NIN: variants seen among roughly 807,000 people sequenced by gnomAD.
NIN encodes the protein glycogen synthase kinase 3 beta-interacting protein.
Under a neutral mutation model 257.6 loss-of-function variants are expected in NIN, and 137 were observed. The ratio of observed to expected loss-of-function variants is 0.53; its 90% CI spans 0.46 to 0.61. The LOEUF is 0.61. NIN is among the 20% of genes least tolerant of loss of function. The pLI, the probability that NIN is intolerant of heterozygous loss-of-function variation, is 0.00. For missense variants in NIN, 2,439 were observed against 2,501.2 expected (o/e 0.98, Z 0.53); for synonymous variants, 918 against 919.8 (o/e 1.00, Z 0.04).
At chr14:50,777,681 T>TAA (rs11433979) in intron 6 of NIN, among the ~76,000 whole-genome samples, 283 of 149,286 alleles carry the variant, frequency 1.9e-3, no homozygotes, top group Middle Eastern at 3.4e-3. Flanking sequence ...CAACTGAAAT[T>TAA]AAAAAAAAAA....
Position 50,738,129 on chromosome 14 carries a change from CA to C in NIN, c.5775+10del. 1.9e-6 allele frequency: 3 copies of C among 1,613,710 alleles called. No individual in the cohort carries two copies. Among genetic ancestry groups the C allele is most frequent in the Non-Finnish European group, 1.7e-6 (2 of 1,179,800 alleles). ...AACACAGATGTACGCCATATATTCTCAAAAACTCACCTTCCTGTTAGCAGGA... is the reference window on the plus strand; with the variant it reads ...AACACAGATGTACGCCATATATTCTCAAAACTCACCTTCCTGTTAGCAGGA... On this transcript the variant is annotated intron_variant, in intron 27 of 30. Coordinates refer to ENST00000530997, the MANE Select transcript of NIN (RefSeq NM_020921.4).
At chr14:50,767,949 T>A (rs1266759588) in intron 12 of NIN, among the ~76,000 whole-genome samples, 2 of 152,030 alleles carry the variant, frequency 1.3e-5, no homozygotes, top group Non-Finnish European at 2.9e-5. Context: ...ATAATTTGTA[T>A]ATGTTTATAT....
chr14:50,725,730 G>A (rs185040525), intron 30 of NIN: 481 of 675,048 alleles, frequency 7.1e-4, no homozygotes, highest in Non-Finnish European at 1.1e-3. Context: ...CTTTTAAATT[G>A]TGGACAAACA....
At chr14:50,756,402 G>C in intron 18 of NIN, 90 bp downstream of exon 18, 1 of 1,365,098 alleles carries the variant, frequency 7.3e-7, no homozygotes, top group African/African-American at 1.4e-5. Flanking sequence ...AGACTACTAG[G>C]TTAGTTTCTC....
chr14:50,759,299 A>G (rs1316442625), intron 17 of NIN, among the ~76,000 whole-genome samples: 1 of 152,238 alleles, frequency 6.6e-6, no homozygotes, highest in Non-Finnish European at 1.5e-5. Context: ...CTTGAGCCTT[A>G]TAAGGTAGAA....
At chr14:50,749,093 G>C (rs567648518) in intron 21 of NIN, among the ~76,000 whole-genome samples, 42 of 152,222 alleles carry the variant, frequency 2.8e-4, no homozygotes, top group Non-Finnish European at 5.1e-4. Flanking sequence ...AAACAGCATG[G>C]TACTGGTACC....
intron 30 of NIN, chr14:50,724,138 T>C: frequency 5.2e-6 from 1 of 191,542 alleles, no homozygotes; most frequent in Non-Finnish European, 1.1e-5. Context: ...GAGATAAGAT[T>C]TGGGCAGTTA....
intron 5 of NIN, among the ~76,000 whole-genome samples, chr14:50,782,869 C>T (rs2043189379): frequency 6.6e-6 from 1 of 152,178 alleles, no homozygotes; most frequent in South Asian, 2.1e-4. Flanking sequence ...GATGCCAATG[C>T]CTCCTAAAGT....
At chr14:50,777,914 A>G (rs894871181) in intron 6 of NIN, among the ~76,000 whole-genome samples, 1 of 152,248 alleles carries the variant, frequency 6.6e-6, no homozygotes, top group African/African-American at 2.4e-5. Flanking sequence ...AGAACCTCAG[A>G]GGGTTGAAAG....
At chr14:50,817,952 G>A (rs2142376746) in intron 3 of NIN, among the ~76,000 whole-genome samples, 1 of 152,032 alleles carries the variant, frequency 6.6e-6, no homozygotes, top group African/African-American at 2.4e-5. Flanking sequence ...CTGAGCTCCG[G>A]CAATCCACCT....
intron 2 of NIN, chr14:50,823,482 T>G (rs1409770438): frequency 3.7e-6 from 1 of 273,106 alleles, no homozygotes; most frequent in East Asian, 8.1e-5. Flanking sequence ...CAGCCAGAAC[T>G]GAAAATAAAA....
chr14:50,729,571 G>A lies in NIN; in HGVS notation c.6030C>T (p.His2010=), dbSNP rs556352768. ...TCCTGTTTTCAAGTTCCTCCTGCAG[G>A]TGCTGGTTTATCCTTTCTGCCTGCA... ...QLLQAERINQ[H]LQEELENRTS... is the part of the protein sequence containing the mutation. The change falls in exon 29 of 31, where the codon CAC becomes CAT. Residue 2010 remains histidine, a synonymous_variant. Transcript: ENST00000530997. 6.2e-7 allele frequency: 1 copy of A among 1,614,120 alleles called. No homozygotes were observed. The highest frequency in any genetic ancestry group is 1.1e-5 in the South Asian group (1 of 91,054).
intron 2 of NIN, among the ~76,000 whole-genome samples, chr14:50,825,791 A>C (rs1174332137): frequency 6.6e-6 from 1 of 152,218 alleles, no homozygotes; most frequent in African/African-American, 2.4e-5. Flanking sequence ...AAGCAGTAGA[A>C]ATCCCCACAC....
intron 30 of NIN, chr14:50,724,264 G>A (rs1195616697): frequency 4.8e-6 from 1 of 208,630 alleles, no homozygotes. Flanking sequence ...TAGCAGCCTT[G>A]GGATACTTTC....
chr14:50,766,067 A>T (rs2042474668), intron 14 of NIN, among the ~76,000 whole-genome samples: 3 of 144,160 alleles, frequency 2.1e-5, no homozygotes, highest in Non-Finnish European at 4.5e-5. Flanking sequence ...AATAGCTAAC[A>T]TTTATGTAAG....
chr14:50,819,625 A>G (rs570536057), intron 3 of NIN, among the ~76,000 whole-genome samples: 5 of 152,324 alleles, frequency 3.3e-5, no homozygotes, highest in African/African-American at 9.6e-5. Flanking sequence ...AGTCTCGGGT[A>G]TGTCTTTATC....
chr14:50,827,295 T>C (rs1325422302), intron 2 of NIN, among the ~76,000 whole-genome samples: 2 of 152,246 alleles, frequency 1.3e-5, no homozygotes, highest in Admixed American at 6.5e-5. Flanking sequence ...CCAGTGCTGC[T>C]TAGCAGCAAA....
At chr14:50,741,783 T>A (rs903908521) in intron 24 of NIN, 55 bp from the exon 25 acceptor site, 9 of 1,570,952 alleles carry the variant, frequency 5.7e-6, no homozygotes, top group Non-Finnish European at 6.9e-6. Context: ...GTCTCACCTC[T>A]AGCATGTTCA....
chr14:50,737,392 C>T (rs768975308), intron 27 of NIN, among the ~76,000 whole-genome samples: 3 of 149,950 alleles, frequency 2.0e-5, no homozygotes, highest in Non-Finnish European at 4.4e-5. Flanking sequence ...AACATGTAGA[C>T]TGCATCCTCA....
Sources: gnomAD v4.1 joint callset for allele counts (sites outside exome capture counted in the v4.1 genomes callset) on GRCh38, gnomAD v4.1.1 for gene constraint, MANE v1.5 for transcripts, NCBI Gene and HGNC (gene_info 2026-07-23, HGNC 2026-07-21) for gene names.